CAST: variants seen among roughly 807,000 people sequenced by gnomAD.
CAST encodes MIR583 host.
In CAST, 76 loss-of-function variants were observed where a neutral mutation model predicts 119.6. The observed-to-expected ratio is 0.64, with a 90% CI of 0.53 to 0.77. The LOEUF (loss-of-function observed/expected upper bound fraction) is 0.77, where lower values mean the gene tolerates loss of function less well. CAST is among the 30% of genes least tolerant of loss of function. The pLI is 0.00. For missense variants in CAST, 953 were observed against 946.5 expected, an observed-to-expected ratio of 1.01 and a Z score of -0.09; for synonymous variants, 319 against 331.6, an observed-to-expected ratio of 0.96 and a Z score of 0.41.
At chr5:96,352,047 C>G in the CAST span, among the ~76,000 whole-genome samples, 9 of 152,064 alleles carry the variant, frequency 5.9e-5, no homozygotes, top group African/African-American at 1.7e-4. Context: ...GAGGACCATC[C>G]CAACACTTAG....
the CAST span, chr5:96,400,029 A>C: frequency 6.2e-7 from 1 of 1,614,190 alleles, no homozygotes; most frequent in Non-Finnish European, 8.5e-7. Context: ...GGGTCAGCTA[A>C]ATCCACCAGA....
chr5:96,673,184 A>G (rs1750321306), intron 1 of CAST, among the ~76,000 whole-genome samples: 2 of 152,234 alleles, frequency 1.3e-5, no homozygotes, highest in South Asian at 4.1e-4. Context: ...AATATGAATT[A>G]CAGATTATGG....
At chr5:96,616,146 C>A (rs778553570) in intron 1 of CAST, among the ~76,000 whole-genome samples, 1 of 152,210 alleles carries the variant, frequency 6.6e-6, no homozygotes, top group African/African-American at 2.4e-5. Context: ...AAACGTTAAT[C>A]TTCTTTGGCA....
At chr5:96,699,783 AGG>A (rs1276697817) in intron 3 of CAST, among the ~76,000 whole-genome samples, 2 of 152,288 alleles carry the variant, frequency 1.3e-5, no homozygotes, top group East Asian at 3.9e-4. Context: ...ATATGTGGTG[AGG>A]TTTTTCAAAT....
the CAST span, among the ~76,000 whole-genome samples, chr5:96,474,652 G>A: frequency 6.6e-6 from 1 of 152,118 alleles, no homozygotes; most frequent in African/African-American, 2.4e-5. Flanking sequence ...GAGCTCGGAA[G>A]GCCATGGAAA....
the CAST span, among the ~76,000 whole-genome samples, chr5:96,369,072 T>C: frequency 6.6e-6 from 1 of 151,920 alleles, no homozygotes; most frequent in Non-Finnish European, 1.5e-5. Context: ...GCACCCTCAA[T>C]ATTCTATATC....
chr5:96,425,167 T>C, the CAST span, among the ~76,000 whole-genome samples: 1 of 152,214 alleles, frequency 6.6e-6, no homozygotes, highest in Non-Finnish European at 1.5e-5. Context: ...AGAAATAATC[T>C]TTTATAAAAT....
At chr5:96,196,166 A>T in the CAST span, among the ~76,000 whole-genome samples, 1 of 152,208 alleles carries the variant, frequency 6.6e-6, no homozygotes, top group African/African-American at 2.4e-5. Context: ...AATTACAGGC[A>T]TAAGAAACTA....
chr5:96,592,921 C>G (rs1236865097), intron 1 of CAST, among the ~76,000 whole-genome samples: 1 of 152,086 alleles, frequency 6.6e-6, no homozygotes. Context: ...CCTGCCACCA[C>G]GCCTGGCTAA....
rs17400741 is a variant in CAST, at chr5:96,730,872, C to G, written c.630+12C>G. On this transcript the variant is annotated intron_variant, in intron 9 of 31. Transcript: ENST00000675179. Reference sequence around the variant, plus strand: ...AGCCGGGTGACAAGGTGAGCACACACAAGCAGACGGAAACGTGGGCCTCTG... The same window carrying G: ...AGCCGGGTGACAAGGTGAGCACACAGAAGCAGACGGAAACGTGGGCCTCTG... 186,768 of 1,595,158 alleles carry G rather than the reference C, an allele frequency of 0.12. 12,115 individuals are homozygous for G. Among genetic ancestry groups the G allele is most frequent in the Non-Finnish European group, 0.13 (154,255 of 1,162,484 alleles).
chr5:96,016,623 C>A, the CAST span, among the ~76,000 whole-genome samples: 1 of 152,056 alleles, frequency 6.6e-6, no homozygotes, highest in Non-Finnish European at 1.5e-5. Flanking sequence ...AATTTATGTG[C>A]TAGTATTATT....
the CAST span, chr5:96,429,377 G>A: frequency 1.1e-6 from 1 of 914,412 alleles, no homozygotes; most frequent in South Asian, 1.4e-5. Context: ...ATATGGACTA[G>A]TTTAAAACTC....
At chr5:96,609,334 A>G (rs1480519606) in intron 1 of CAST, among the ~76,000 whole-genome samples, 5 of 152,218 alleles carry the variant, frequency 3.3e-5, no homozygotes, top group African/African-American at 1.2e-4. Context: ...AAGATATAAA[A>G]TACGTGCAAA....
intron 3 of CAST, among the ~76,000 whole-genome samples, chr5:96,721,772 A>C (rs933890039): frequency 6.6e-6 from 1 of 152,210 alleles, no homozygotes; most frequent in Non-Finnish European, 1.5e-5. Flanking sequence ...AAGTACTAGA[A>C]TAGTACTCCA....
chr5:96,422,918 A>G, the CAST span, among the ~76,000 whole-genome samples: 1 of 145,008 alleles, frequency 6.9e-6, no homozygotes, highest in East Asian at 1.9e-4. Flanking sequence ...ATATAATTTT[A>G]CAATGTCAGG....
chr5:96,368,919 G>T, the CAST span, among the ~76,000 whole-genome samples: 7 of 152,128 alleles, frequency 4.6e-5, 1 homozygote, highest in South Asian at 1.3e-3. Context: ...ACTCCATTTT[G>T]TTCCTAAAGC....
chr5:96,194,896 G>A, the CAST span, among the ~76,000 whole-genome samples: 1 of 152,236 alleles, frequency 6.6e-6, no homozygotes, highest in Non-Finnish European at 1.5e-5. Context: ...TCTGGCAGTG[G>A]TGGAGAGGAA....
At chr5:96,760,093 T>C (rs1045447570) in intron 24 of CAST, among the ~76,000 whole-genome samples, 3 of 152,036 alleles carry the variant, frequency 2.0e-5, no homozygotes, top group African/African-American at 4.8e-5. Context: ...GTGGCATAAA[T>C]ATGTCATGAA....
the CAST span, among the ~76,000 whole-genome samples, chr5:96,116,319 G>A: frequency 3.3e-5 from 5 of 152,066 alleles, no homozygotes; most frequent in Admixed American, 3.3e-4. Flanking sequence ...TCATGTCATA[G>A]ATATACTCTG....
Sources: gnomAD v4.1 joint callset for allele counts (sites outside exome capture counted in the v4.1 genomes callset) on GRCh38, gnomAD v4.1.1 for gene constraint, MANE v1.5 for transcripts, NCBI Gene and HGNC (gene_info 2026-07-23, HGNC 2026-07-21) for gene names.